TMEM276: variants seen among roughly 807,000 people sequenced by gnomAD.
The protein encoded by TMEM276 is transmembrane protein 276.
At chr8:144,465,045 TAGG>T in the TMEM276 span, 18 of 1,534,592 alleles carry the variant, frequency 1.2e-5, no homozygotes, top group East Asian at 2.4e-5. Flanking sequence ...TACTGGATGT[TAGG>T]AGAAGTTCAG....
chr8:144,466,563 C>G, the TMEM276 span: 2 of 1,041,524 alleles, frequency 1.9e-6, no homozygotes, highest in South Asian at 4.0e-5. Context: ...CGCCGCCTGC[C>G]CCACCCCCAC....
the TMEM276 span, chr8:144,466,225 G>A: frequency 5.3e-6 from 1 of 189,620 alleles, no homozygotes; most frequent in Non-Finnish European, 1.1e-5. Context: ...GTGAGAAACG[G>A]CGGGTCTCCA....
the TMEM276 span, chr8:144,466,397 G>T: frequency 2.7e-6 from 3 of 1,106,576 alleles, no homozygotes; most frequent in East Asian, 4.1e-5. Flanking sequence ...GCGAAGCGGG[G>T]CCCTCTGCCG....
the TMEM276 span, chr8:144,465,436 T>C: frequency 9.9e-7 from 1 of 1,006,082 alleles, no homozygotes; most frequent in Non-Finnish European, 1.2e-6. Context: ...CCCTGCCTCC[T>C]CTGCCGTGCC....
the TMEM276 span, chr8:144,465,027 G>A: frequency 5.7e-5 from 87 of 1,536,212 alleles, 1 homozygote; most frequent in East Asian, 7.8e-4. Flanking sequence ...CAGGTTCCAG[G>A]TCCCCATTAC....
At chr8:144,464,636 C>G in the TMEM276 span, 2 of 1,587,912 alleles carry the variant, frequency 1.3e-6, no homozygotes, top group Non-Finnish European at 1.7e-6. Context: ...GAAGGGAGAA[C>G]ACGTGGGAAA....
chr8:144,464,800 T>G, the TMEM276 span: 3 of 1,612,518 alleles, frequency 1.9e-6, no homozygotes, highest in African/African-American at 1.3e-5. Flanking sequence ...TCAGCCCCAG[T>G]GTACTCACCT....
At chr8:144,464,181 T>C in the TMEM276 span, 1 of 1,613,070 alleles carries the variant, frequency 6.2e-7, no homozygotes, top group Non-Finnish European at 8.5e-7. Flanking sequence ...CCCAGCTGCC[T>C]ACAGCCAAGG....
the TMEM276 span, chr8:144,466,544 G>A: frequency 2.6e-6 from 3 of 1,136,648 alleles, no homozygotes; most frequent in Middle Eastern, 2.7e-4. Flanking sequence ...CGTGCAGCCC[G>A]TCGTCTCCCG....
chr8:144,465,165 A>G, the TMEM276 span: 3 of 1,362,686 alleles, frequency 2.2e-6, no homozygotes, highest in Non-Finnish European at 2.9e-6. Context: ...AGCTGGGGGG[A>G]ACGTCAGCCC....
chr8:144,464,447 G>T, the TMEM276 span: 95 of 1,612,154 alleles, frequency 5.9e-5, no homozygotes, highest in Non-Finnish European at 7.8e-5. Flanking sequence ...GCAGAGGAGC[G>T]GTCCCCATTC....
chr8:144,465,330 G>C, the TMEM276 span: 7 of 1,106,094 alleles, frequency 6.3e-6, no homozygotes, highest in Non-Finnish European at 7.8e-6. Flanking sequence ...CAGGACTCCG[G>C]GAGGCCAGCC....
the TMEM276 span, chr8:144,464,281 C>G: frequency 1.9e-6 from 3 of 1,613,312 alleles, no homozygotes; most frequent in Admixed American, 1.7e-5. Flanking sequence ...CATCGCCCCC[C>G]CCCACATCCC....
At chr8:144,464,135 A>G in the TMEM276 span, 1 of 1,608,838 alleles carries the variant, frequency 6.2e-7, no homozygotes, top group Admixed American at 1.7e-5. Flanking sequence ...TGTCACTCCC[A>G]CTGGAGGCGC....
the TMEM276 span, chr8:144,464,282 C>G: frequency 2.8e-5 from 45 of 1,613,192 alleles, no homozygotes; most frequent in African/African-American, 2.0e-4. Context: ...ATCGCCCCCC[C>G]CCACATCCCA....
chr8:144,463,845 T>G, the TMEM276 span: 3 of 1,323,418 alleles, frequency 2.3e-6, no homozygotes, highest in East Asian at 3.0e-5. Flanking sequence ...ATTCCTAAGA[T>G]TTATTGGAGA....
the TMEM276 span, chr8:144,463,903 AC>A: frequency 2.1e-6 from 3 of 1,403,676 alleles, no homozygotes; most frequent in Non-Finnish European, 2.8e-6. Context: ...CAGAATCAGG[AC>A]CCCCAAACGT....
At chr8:144,465,124 C>T in the TMEM276 span, 10 of 1,447,728 alleles carry the variant, frequency 6.9e-6, no homozygotes, top group Non-Finnish European at 9.1e-6. Context: ...CTAATTCAGC[C>T]GGGAAACGGG....
At chr8:144,466,517 A>T in the TMEM276 span, 1 of 1,273,542 alleles carries the variant, frequency 7.9e-7, no homozygotes, top group African/African-American at 1.6e-5. Context: ...GACCCCGCCC[A>T]GGTGAGCGGG....
Sources: allele counts gnomAD v4.1 joint callset, GRCh38; gene constraint gnomAD v4.1.1; transcripts MANE v1.5; gene names NCBI Gene and HGNC (gene_info 2026-07-23, HGNC 2026-07-21).